Variants in ZNF704 observed in about 807,000 individuals in gnomAD.
ZNF704 encodes the protein glucocorticoid induced gene 1.
ZNF704 carries 10 observed loss-of-function variants against 44.7 expected under a neutral mutation model. The ratio of observed to expected loss-of-function variants is 0.22; its 90% CI spans 0.14 to 0.38. The LOEUF is 0.38. ZNF704 is among the 10% of genes least tolerant of loss of function. ZNF704 has a pLI of 1.00. For missense variants in ZNF704, 390 were observed against 545.5 expected, an observed-to-expected ratio of 0.71 and a Z score of 2.84; for synonymous variants, 211 against 207.6, an observed-to-expected ratio of 1.02 and a Z score of -0.14.
At chr8:80,774,799 C>T (rs1807383984) in intron 2 of ZNF704, among the ~76,000 whole-genome samples, 1 of 152,152 alleles carries the variant, frequency 6.6e-6, no homozygotes, top group East Asian at 1.9e-4. Context: ...CTAGGATGTT[C>T]CTGTCTTGGT....
intron 4 of ZNF704, among the ~76,000 whole-genome samples, chr8:80,680,921 G>A (rs960631202): frequency 1.3e-5 from 2 of 152,276 alleles, no homozygotes; most frequent in African/African-American, 2.4e-5. Flanking sequence ...GTGGTGATAC[G>A]TGTATACAAA....
At chr8:80,667,553 G>C (rs1368891568) in intron 5 of ZNF704, among the ~76,000 whole-genome samples, 1 of 152,172 alleles carries the variant, frequency 6.6e-6, no homozygotes, top group Non-Finnish European at 1.5e-5. Context: ...GTTAATCACT[G>C]GCTACCTGTC....
At chr8:80,882,923 C>T in the ZNF704 span, among the ~76,000 whole-genome samples, 1 of 151,850 alleles carries the variant, frequency 6.6e-6, no homozygotes, top group Non-Finnish European at 1.5e-5. Context: ...TTAATTAATC[C>T]TTCATCCTAA....
chr8:80,732,070 CTA>C (rs1046607816), intron 2 of ZNF704, among the ~76,000 whole-genome samples: 1 of 152,180 alleles, frequency 6.6e-6, no homozygotes, highest in African/African-American at 2.4e-5. Context: ...TGGTTTTGCA[CTA>C]TTTCACAAGG....
intron 1 of ZNF704, among the ~76,000 whole-genome samples, chr8:80,856,249 G>A (rs577496265): frequency 9.9e-5 from 15 of 152,194 alleles, no homozygotes; most frequent in East Asian, 3.9e-4. Flanking sequence ...ATGAGCCACC[G>A]TGCCCGGACC....
chr8:80,780,854 C>A (rs1273740035), intron 2 of ZNF704, among the ~76,000 whole-genome samples: 1 of 152,112 alleles, frequency 6.6e-6, no homozygotes, highest in Non-Finnish European at 1.5e-5. Flanking sequence ...AAAGAACAAA[C>A]TTCTGTTGGT....
chr8:80,693,131 G>C (rs200712473), intron 2 of ZNF704, 24 bp from the exon 3 acceptor site: 172 of 1,597,566 alleles, frequency 1.1e-4, no homozygotes, highest in Middle Eastern at 1.7e-4. Flanking sequence ...AGGGACACTG[G>C]TGACTGTTCA....
chr8:80,731,116 C>T (rs1563534225), intron 2 of ZNF704, among the ~76,000 whole-genome samples: 2 of 152,104 alleles, frequency 1.3e-5, no homozygotes, highest in Non-Finnish European at 1.5e-5. Flanking sequence ...GCCATCTGTC[C>T]CTACCTGCAT....
intron 1 of ZNF704, among the ~76,000 whole-genome samples, chr8:80,826,180 G>T (rs1808371237): frequency 6.6e-6 from 1 of 152,008 alleles, no homozygotes; most frequent in South Asian, 2.1e-4. Context: ...TAGACCACTA[G>T]CAAGACTAAC....
chr8:80,855,136 C>T lies in ZNF704; in HGVS notation c.-22+19435G>A, dbSNP rs993548806. ...ACGCCTTTCTTGTTCAATAGTATAT[C>T]GTCTGTACCCAGCAAAGTGTCTGGT... On this transcript the variant is annotated intron_variant, in intron 1 of 8. Transcript: ENST00000327835. 3.3e-5 allele frequency among the ~76,000 whole-genome samples: 5 copies of T among 152,246 alleles called. No homozygotes were observed. In the East Asian group the frequency reaches 7.7e-4, roughly 23 times the overall value.
intron 1 of ZNF704, among the ~76,000 whole-genome samples, chr8:80,840,363 A>G (rs1162248896): frequency 2.0e-5 from 3 of 152,122 alleles, no homozygotes; most frequent in African/African-American, 7.2e-5. Flanking sequence ...GCTATCGTCA[A>G]TGTTAGTGTA....
intron 1 of ZNF704, among the ~76,000 whole-genome samples, chr8:80,862,622 A>G (rs940294592): frequency 4.6e-5 from 7 of 150,992 alleles, no homozygotes; most frequent in African/African-American, 1.7e-4. Context: ...AAAATTAGTC[A>G]AATACGGTGG....
At chr8:80,757,978 G>A (rs1222545231) in intron 2 of ZNF704, among the ~76,000 whole-genome samples, 2 of 152,154 alleles carry the variant, frequency 1.3e-5, no homozygotes, top group African/African-American at 4.8e-5. Context: ...AGTGACACAT[G>A]ACTGTAATTG....
rs911663717 is a variant in ZNF704 at position 80,645,015 on chromosome 8, C to T, written c.1033-1886G>A. The T allele has an allele frequency of 1.8e-5, 22 of 1,235,794 alleles. No individual in the cohort carries two copies. In the East Asian group the frequency reaches 4.2e-4, roughly 23 times the overall value. 76.6% of individuals were successfully genotyped at this position (1,235,794 alleles called of 1,614,324 possible). A position where few individuals can be genotyped will look rare whatever the true frequency, so the allele number is the denominator to read the frequency against. ...TTCATGGATCATATAATGGACCCATCCCTGACTCTGCTGAATGCCAAGATT... is the reference window on the plus strand; with the variant it reads ...TTCATGGATCATATAATGGACCCATTCCTGACTCTGCTGAATGCCAAGATT... On this transcript the variant is annotated intron_variant, in intron 7 of 8. Transcript: ENST00000327835.
intron 2 of ZNF704, among the ~76,000 whole-genome samples, chr8:80,739,627 T>C (rs1193998297): frequency 6.6e-6 from 1 of 152,184 alleles, no homozygotes; most frequent in Non-Finnish European, 1.5e-5. Flanking sequence ...TCCTTACCTA[T>C]GTCTATAGTT....
upstream of ZNF704, among the ~76,000 whole-genome samples, chr8:80,879,268 G>C (rs528044243): frequency 7.4e-5 from 11 of 148,192 alleles, no homozygotes; most frequent in Non-Finnish European, 1.0e-4. Context: ...ATGGGGTCTC[G>C]CTCTGTTGCC....
At chr8:80,699,587 C>T (rs1015321044) in intron 2 of ZNF704, among the ~76,000 whole-genome samples, 10 of 152,054 alleles carry the variant, frequency 6.6e-5, no homozygotes, top group Admixed American at 2.6e-4. Context: ...TGTCATGGAT[C>T]GATACTATAC....
intron 7 of ZNF704, among the ~76,000 whole-genome samples, chr8:80,655,642 G>A (rs1334592352): frequency 2.6e-5 from 4 of 152,124 alleles, no homozygotes; most frequent in Non-Finnish European, 2.9e-5. Context: ...ATCACATGGC[G>A]TTCACAAATG....
intron 2 of ZNF704, among the ~76,000 whole-genome samples, chr8:80,723,016 A>G (rs1806402209): frequency 6.6e-6 from 1 of 152,382 alleles, no homozygotes; most frequent in East Asian, 1.9e-4. Context: ...AAGAAAATTG[A>G]AAGATAACCT....
Sources: gnomAD v4.1 joint callset for allele counts (sites outside exome capture counted in the v4.1 genomes callset) on GRCh38, gnomAD v4.1.1 for gene constraint, MANE v1.5 for transcripts, NCBI Gene and HGNC (gene_info 2026-07-23, HGNC 2026-07-21) for gene names.